PHF20L1: variants seen among roughly 807,000 people sequenced by gnomAD.
PHF20L1 encodes PHD finger protein 20-like protein 1.
PHF20L1 carries 44 observed loss-of-function variants against 125.5 expected under a neutral mutation model. The observed-to-expected ratio is 0.35, with a 90% CI of 0.28 to 0.45. The LOEUF (loss-of-function observed/expected upper bound fraction) is 0.45. Among genes scored for constraint, PHF20L1 ranks in the 20% least tolerant of loss-of-function variants. PHF20L1 has a pLI of 1.00. For missense variants in PHF20L1, 1,012 were observed against 1,217.2 expected (o/e 0.83, Z 2.51); for synonymous variants, 380 against 403.1 (o/e 0.94, Z 0.69).
intron 9 of PHF20L1, 65 bp downstream of exon 9, chr8:132,811,193 T>C (rs1278177878): frequency 6.2e-7 from 1 of 1,601,372 alleles, no homozygotes; most frequent in African/African-American, 1.3e-5. Context: ...AGCTCTAGTA[T>C]CTACGTAATT....
At chr8:132,783,007 G>T (rs902780159) in intron 2 of PHF20L1, among the ~76,000 whole-genome samples, 1 of 152,028 alleles carries the variant, frequency 6.6e-6, no homozygotes, top group African/African-American at 2.4e-5. Flanking sequence ...AAATCACACT[G>T]GCGTTGACTA....
intron 2 of PHF20L1, among the ~76,000 whole-genome samples, chr8:132,782,504 T>A (rs1830538351): frequency 1.3e-5 from 2 of 152,162 alleles, no homozygotes; most frequent in Non-Finnish European, 2.9e-5. Context: ...TTTTTAAAGG[T>A]AGCTTTAGTT....
chr8:132,811,333 TA>T (rs1317489466), intron 9 of PHF20L1: 68 of 1,273,014 alleles, frequency 5.3e-5, no homozygotes, highest in Non-Finnish European at 6.8e-5. Flanking sequence ...AGACTGGCAT[TA>T]AAGCCTTTGT....
intron 18 of PHF20L1, among the ~76,000 whole-genome samples, chr8:132,841,327 A>G (rs747599356): frequency 7.2e-4 from 110 of 152,224 alleles, no homozygotes; most frequent in Non-Finnish European, 1.3e-3. Flanking sequence ...TCTATGGCAC[A>G]GCAGAATTCA....
At chr8:132,777,765 G>T in intron 1 of PHF20L1, 27 bp from the exon 2 acceptor site, 1 of 1,023,142 alleles carries the variant, frequency 9.8e-7, no homozygotes, top group Non-Finnish European at 1.5e-6. Flanking sequence ...TTCTGCATTG[G>T]AATCTAACTT....
chr8:132,811,808 T>C (rs1277661570), intron 9 of PHF20L1: 1 of 984,740 alleles, frequency 1.0e-6, no homozygotes, highest in East Asian at 1.1e-4. Flanking sequence ...AAGAACGCAG[T>C]AATAGCCATA....
In PHF20L1 at chr8:132,794,812, A is replaced by G. The variant is rs764444506; in HGVS notation, c.335A>G (p.Lys112Arg). Residue 112 changes from lysine to arginine, a missense_variant, in exon 4 of 21, where the codon AAA becomes AGA. Lys to Arg is a conservative substitution (Grantham distance 26). Coordinates refer to ENST00000395386, the MANE Select transcript of PHF20L1 (RefSeq NM_016018.5). ...CCTGCCAAGATTGAAGCAATTAACAAAGAAGGTATGTGTTTGAAATGATCT... is the reference window on the plus strand; with the variant it reads ...CCTGCCAAGATTGAAGCAATTAACAGAGAAGGTATGTGTTTGAAATGATCT... ...YYPAKIEAIN[K>R]EGTFTVQFYD... The G allele has an allele frequency of 5.6e-6, 9 of 1,600,852 alleles. No homozygotes were observed. The highest frequency in any genetic ancestry group is 7.7e-6 in the Non-Finnish European group (9 of 1,168,772).
rs534147792 is a variant in PHF20L1 at position 132,806,366 on chromosome 8, A to C, written c.847+1626A>C. On this transcript the variant is annotated intron_variant, in intron 8 of 20. Transcript: ENST00000395386. ...TGGGGAAAAAAAGTACCATTTTACC[A>C]TGTGCCTCAAGTTTGTAATACTGGT... 16 of 152,114 alleles carry C rather than the reference A, an allele frequency of 1.1e-4. No homozygotes were observed. In the South Asian group the frequency reaches 3.3e-3, roughly 32 times the overall value. The allele number at this position is 152,114 out of a possible 1,614,324, so 9.4% of individuals were successfully genotyped here.
chr8:132,804,155 A>G (rs534511392), intron 7 of PHF20L1, 123 bp downstream of exon 7: 7 of 667,940 alleles, frequency 1.0e-5, no homozygotes, highest in South Asian at 6.0e-5. Flanking sequence ...TGACCCTAGC[A>G]TAATATGATG....
chr8:132,793,135 G>T (rs1305788564), intron 2 of PHF20L1, among the ~76,000 whole-genome samples: 1 of 151,972 alleles, frequency 6.6e-6, no homozygotes, highest in Non-Finnish European at 1.5e-5. Flanking sequence ...CACACAAGCA[G>T]TTCTGTGTTT....
intron 15 of PHF20L1, among the ~76,000 whole-genome samples, chr8:132,834,215 A>G (rs1837097618): frequency 6.6e-6 from 1 of 152,116 alleles, no homozygotes; most frequent in Non-Finnish European, 1.5e-5. Context: ...GAGTTATTCA[A>G]ACTAGATTTG....
chr8:132,829,507 A>G (rs988575333), intron 14 of PHF20L1, among the ~76,000 whole-genome samples: 2 of 152,016 alleles, frequency 1.3e-5, no homozygotes, highest in African/African-American at 2.4e-5. Context: ...CCTAAGTAAT[A>G]TGGTGTTGGG....
At chr8:132,812,879 C>CT (rs1834553995) in intron 9 of PHF20L1, 1 of 980,124 alleles carries the variant, frequency 1.0e-6, no homozygotes, top group South Asian at 4.7e-5. Context: ...TGCTAATGGA[C>CT]TTATTTATAT....
intron 6 of PHF20L1, among the ~76,000 whole-genome samples, chr8:132,801,049 T>C (rs545574443): frequency 1.3e-5 from 2 of 151,810 alleles, no homozygotes; most frequent in Admixed American, 6.6e-5. Context: ...GATTGATTCC[T>C]TCATTTTATG....
At chr8:132,814,394 T>G (rs563667380) in intron 9 of PHF20L1, among the ~76,000 whole-genome samples, 1 of 151,934 alleles carries the variant, frequency 6.6e-6, no homozygotes, top group African/African-American at 2.4e-5. Context: ...GAAAATATTA[T>G]GAATAATATA....
chr8:132,821,544 A>G (rs1408164856), intron 12 of PHF20L1, among the ~76,000 whole-genome samples: 2 of 151,962 alleles, frequency 1.3e-5, no homozygotes, highest in African/African-American at 4.8e-5. Flanking sequence ...GATTCGTTCA[A>G]AACAAAACTA....
intron 10 of PHF20L1, 136 bp downstream of exon 10, chr8:132,815,025 A>G: frequency 1.6e-6 from 1 of 606,636 alleles, no homozygotes; most frequent in Non-Finnish European, 2.8e-6. Context: ...GCTTGAAACT[A>G]TTTCAGGGGC....
At chr8:132,817,120 TAAAG>T (rs1835071636) in intron 11 of PHF20L1, 44 bp downstream of exon 11, 4 of 1,249,752 alleles carry the variant, frequency 3.2e-6, no homozygotes, top group South Asian at 3.1e-5. Flanking sequence ...TAAAAGAAGA[TAAAG>T]AAAAAACTAA....
At chr8:132,804,832 T>C in intron 8 of PHF20L1, 92 bp downstream of exon 8, 1 of 1,111,034 alleles carries the variant, frequency 9.0e-7, no homozygotes, top group Non-Finnish European at 1.3e-6. Context: ...GGTTTTGATT[T>C]AGTGTCATGG....
Sources: allele counts gnomAD v4.1 joint callset (sites outside exome capture counted in the v4.1 genomes callset), GRCh38; gene constraint gnomAD v4.1.1; transcripts MANE v1.5; gene names NCBI Gene and HGNC (gene_info 2026-07-23, HGNC 2026-07-21).